The following TNPO3 variants were observed in gnomAD, a reference collection of about 807,000 sequenced individuals.
TNPO3 encodes the protein transportin-3.
TNPO3 carries 65 observed loss-of-function variants against 122.8 expected under a neutral mutation model. That is an observed-to-expected ratio of 0.53 (90% CI 0.43 to 0.65). The LOEUF is 0.65. Ranked by LOEUF, TNPO3 falls within the 30% of genes least tolerant of loss-of-function variation. The probability of loss-of-function intolerance (pLI) is 0.00; values close to 1 mark genes in which losing one functional copy is unlikely to be tolerated. For synonymous variants in TNPO3, 372 were observed against 411.2 expected, an observed-to-expected ratio of 0.90 and a Z score of 1.15; for missense variants, 850 against 1,136.7, an observed-to-expected ratio of 0.75 and a Z score of 3.63.
rs748151187 is a variant in TNPO3, at chr7:128,970,143, C to A, written c.2598+5G>T. The A allele has an allele frequency of 6.2e-7, 1 of 1,614,000 alleles. No individual in the cohort carries two copies. The highest frequency in any genetic ancestry group is 1.1e-5 in the South Asian group (1 of 91,070). On this transcript the variant is annotated splice_donor_5th_base_variant and intron_variant, in intron 20 of 22. Coordinates refer to ENST00000265388, the MANE Select transcript of TNPO3 (RefSeq NM_012470.4). ...GAGATAAATTCCTCATGAAAACAAT[C>A]TTACCGGTCTGTCAACCTGCATGAT... is the stretch of plus-strand genomic sequence containing the variant.
In TNPO3 at chr7:128,993,814, A is replaced by G; in HGVS notation, c.1259T>C (p.Phe420Ser). The change falls in exon 9 of 23, where the codon TTT becomes TCT. Residue 420 changes from phenylalanine (F) to serine (S), a missense_variant. By Grantham distance (155) the Phe-to-Ser change is radical. Transcript: ENST00000265388. ...LIFLIGSMEC[F>S]AQLYSTLKEG... ...ATCTCCAAATAGGCTTACCTGAGCA[A>G]AACACTCCATAGACCCTATCAAGAA... 6.2e-7 allele frequency: 1 copy of G among 1,613,384 alleles called. No individual in the cohort carries two copies. Among genetic ancestry groups the G allele is most frequent in the Non-Finnish European group, 8.5e-7 (1 of 1,179,748 alleles).
intron 8 of TNPO3, 29 bp downstream of exon 8, chr7:128,997,360 G>T: frequency 1.2e-6 from 2 of 1,609,658 alleles, no homozygotes; most frequent in African/African-American, 1.3e-5. Flanking sequence ...AAGAAATTAA[G>T]ATTTGAAGAG....
intron 1 of TNPO3, among the ~76,000 whole-genome samples, chr7:129,036,039 C>T (rs1435096601): frequency 1.3e-5 from 2 of 150,456 alleles, no homozygotes; most frequent in African/African-American, 4.9e-5. Flanking sequence ...CTGTAATCAC[C>T]GCCTCCCGGA....
intron 1 of TNPO3, among the ~76,000 whole-genome samples, chr7:129,020,922 G>T (rs941424101): frequency 6.6e-6 from 1 of 152,166 alleles, no homozygotes; most frequent in Non-Finnish European, 1.5e-5. Context: ...TGTAAGACCT[G>T]TGTGGTTTTA....
chr7:128,970,387 C>G, intron 19 of TNPO3, 72 bp from the exon 20 acceptor site: 2 of 1,433,162 alleles, frequency 1.4e-6, no homozygotes, highest in Non-Finnish European at 1.9e-6. Context: ...ACTCTTTCCC[C>G]TTTAGTAATT....
At chr7:128,999,637 A>C (rs1435478201) in intron 7 of TNPO3, among the ~76,000 whole-genome samples, 1 of 143,144 alleles carries the variant, frequency 7.0e-6, no homozygotes, top group Non-Finnish European at 1.5e-5. Context: ...TTTGAGACGG[A>C]GTTTCGCTCG....
chr7:129,054,760 G>T lies in TNPO3; in HGVS notation c.11C>A (p.Ala4Glu), dbSNP rs1563116600. Residue 4 changes from alanine to glutamate, a missense_variant, in exon 1 of 23, where the codon GCA becomes GAA. By Grantham distance (107) the Ala-to-Glu change is moderately radical. Transcript: ENST00000265388. The part of the protein sequence containing the change: MEG[A>E]KPTLQLVYQA... ...GTACACGAGCTGCAATGTCGGCTTTGCTCCTTCCATGGTGGTGGCGGTAGT... is the reference window on the plus strand; with the variant it reads ...GTACACGAGCTGCAATGTCGGCTTTTCTCCTTCCATGGTGGTGGCGGTAGT... The T allele has an allele frequency of 3.7e-6, 6 of 1,614,030 alleles. No individual in the cohort carries two copies. The highest frequency in any genetic ancestry group is 4.5e-5 in the East Asian group (2 of 44,884).
intron 1 of TNPO3, 150 bp downstream of exon 1, chr7:129,054,501 G>C: frequency 7.8e-7 from 1 of 1,274,540 alleles, no homozygotes; most frequent in Non-Finnish European, 1.1e-6. Flanking sequence ...AAGCGGCAAA[G>C]ATGTAGCTTC....
At chr7:129,039,811 G>A (rs956563799) in intron 1 of TNPO3, among the ~76,000 whole-genome samples, 21 of 152,108 alleles carry the variant, frequency 1.4e-4, no homozygotes, top group African/African-American at 4.8e-4. Context: ...ACTGAAAGAA[G>A]ACAGTCACAA....
At chr7:128,967,420 TA>T (rs1415973321) in intron 20 of TNPO3, 28 bp from the exon 21 acceptor site, 1 of 1,477,738 alleles carries the variant, frequency 6.8e-7, no homozygotes, top group African/African-American at 1.4e-5. Flanking sequence ...GTAAGAGTTT[TA>T]AAAGGAAGCA....
At chr7:129,005,782 CTTT>C (rs1186834521) in intron 4 of TNPO3, among the ~76,000 whole-genome samples, 3 of 132,244 alleles carry the variant, frequency 2.3e-5, no homozygotes, top group African/African-American at 2.7e-5. Flanking sequence ...CTTTTCTTTT[CTTT>C]TTTTTTTTTT....
intron 8 of TNPO3, 67 bp from the exon 9 acceptor site, chr7:128,993,981 CAAG>C (rs752334188): frequency 2.1e-5 from 29 of 1,392,028 alleles, no homozygotes; most frequent in African/African-American, 5.8e-5. Flanking sequence ...TCTATAAAAT[CAAG>C]AAGAAGAAAA....
chr7:129,017,884 A>C, intron 2 of TNPO3, 73 bp downstream of exon 2: 1 of 1,453,632 alleles, frequency 6.9e-7, no homozygotes, highest in East Asian at 2.3e-5. Context: ...ATGGCCTAGC[A>C]ATACGAATTA....
At chr7:128,979,426 G>A (rs1425339156) in intron 15 of TNPO3, among the ~76,000 whole-genome samples, 2 of 152,226 alleles carry the variant, frequency 1.3e-5, no homozygotes, top group Non-Finnish European at 2.9e-5. Flanking sequence ...ATTGGTACGA[G>A]CTATATAGGA....
chr7:128,958,589 C>A (rs546083436), intron 21 of TNPO3, among the ~76,000 whole-genome samples: 1 of 152,220 alleles, frequency 6.6e-6, no homozygotes, highest in Non-Finnish European at 1.5e-5. Context: ...GAGGAAACTG[C>A]TCTAAGCGAT....
chr7:129,001,342 C>A (rs979979125), intron 5 of TNPO3, 108 bp from the exon 6 acceptor site: 1 of 886,580 alleles, frequency 1.1e-6, no homozygotes. Context: ...AGAAAATATT[C>A]AAAATATAAG....
At chr7:128,962,192 C>T (rs951170023) in intron 21 of TNPO3, among the ~76,000 whole-genome samples, 5 of 151,734 alleles carry the variant, frequency 3.3e-5, no homozygotes, top group African/African-American at 9.7e-5. Context: ...GGTGAAACCC[C>T]GTCTCTACTA....
chr7:129,003,304 T>G (rs1274326871), intron 5 of TNPO3, among the ~76,000 whole-genome samples: 1 of 149,554 alleles, frequency 6.7e-6, no homozygotes, highest in Non-Finnish European at 1.5e-5. Flanking sequence ...AGGGTTTTTT[T>G]TTTTTTTTTT....
intron 4 of TNPO3, among the ~76,000 whole-genome samples, chr7:129,011,163 A>G (rs564085633): frequency 3.2e-4 from 49 of 152,188 alleles, no homozygotes; most frequent in African/African-American, 1.1e-3. Context: ...AACATGCTAA[A>G]GGAAACGAAG....
Sources: allele counts gnomAD v4.1 joint callset (sites outside exome capture counted in the v4.1 genomes callset), GRCh38; gene constraint gnomAD v4.1.1; transcripts MANE v1.5; gene names NCBI Gene and HGNC (gene_info 2026-07-23, HGNC 2026-07-21).